ZNF395: variants seen among roughly 807,000 people sequenced by gnomAD.
The protein encoded by ZNF395 is zinc finger protein 395.
ZNF395 carries 20 observed loss-of-function variants against 57.7 expected under a neutral mutation model. The ratio of observed to expected loss-of-function variants is 0.35; its 90% confidence interval spans 0.24 to 0.50. ZNF395 has a LOEUF of 0.50. Ranked by LOEUF, ZNF395 falls within the 20% of genes least tolerant of loss-of-function variation. ZNF395 has a pLI of 0.97. For synonymous variants in ZNF395, 295 were observed against 275.9 expected (o/e 1.07, Z -0.69); for missense variants, 606 against 671.2 (o/e 0.90, Z 1.07).
At chr8:28,351,905 C>A in intron 6 of ZNF395, 98 bp from the exon 7 acceptor site, 1 of 1,394,630 alleles carries the variant, frequency 7.2e-7, no homozygotes, top group Non-Finnish European at 9.6e-7. Flanking sequence ...TTGAGGCCAC[C>A]CAGCAAGCCA....
Sources: gnomAD v4.1 joint callset for allele counts on GRCh38, gnomAD v4.1.1 for gene constraint, MANE v1.5 for transcripts, NCBI Gene and HGNC (gene_info 2026-07-23, HGNC 2026-07-21) for gene names.